MYO6: variants seen among roughly 807,000 people sequenced by gnomAD.
The protein encoded by MYO6 is unconventional myosin-VI.
Under a neutral mutation model 178.7 loss-of-function variants are expected in MYO6, and 74 were observed. The observed-to-expected ratio is 0.41, with a 90% CI of 0.34 to 0.50. The LOEUF (loss-of-function observed/expected upper bound fraction) is 0.50. Among genes scored for constraint, MYO6 ranks in the 20% least tolerant of loss-of-function variants. MYO6 has a pLI of 0.09. For missense variants in MYO6, 1,330 were observed against 1,547.4 expected (o/e 0.86, Z 2.36); for synonymous variants, 477 against 504.6 (o/e 0.95, Z 0.73).
intron 9 of MYO6, among the ~76,000 whole-genome samples, chr6:75,844,049 T>A (rs934732446): frequency 3.3e-5 from 5 of 152,168 alleles, no homozygotes; most frequent in Admixed American, 3.3e-4. Flanking sequence ...CTGATCAGAT[T>A]TGCCCAATTC....
chr6:75,837,372 T>TGG (rs1773748632), intron 7 of MYO6, among the ~76,000 whole-genome samples: 2 of 152,140 alleles, frequency 1.3e-5, no homozygotes, highest in Non-Finnish European at 2.9e-5. Context: ...CCGTAGTAAA[T>TGG]GCATATTTTA....
In MYO6 at chr6:75,817,267, C is replaced by T. The variant is rs191560501; in HGVS notation, c.-47-234C>T. Among the ~76,000 whole-genome samples the T allele has an allele frequency of 6.1e-4, 90 of 148,138 alleles. 2 individuals are homozygous for T. Among genetic ancestry groups the T allele is most frequent in the Admixed American group, 1.6e-3 (24 of 14,834 alleles). ...TTGCAGTGAGCCAGGATTGTGCCAC[C>T]GCACTCCAGCCTGGGTGAGAGAGTG... On this transcript the variant is annotated intron_variant, in intron 1 of 34. Transcript: ENST00000369977.
chr6:75,832,952 G>A lies in MYO6; in HGVS notation c.497+5G>A, dbSNP rs539587826. On this transcript the variant is annotated splice_donor_5th_base_variant and intron_variant, in intron 6 of 34. Transcript: ENST00000369977. Reference sequence around the variant, plus strand: ...AAATACAAAATTTGTTCTAAGGTGAGTATTCAGCTAACTTGAAGTATTTGA... The same window carrying A: ...AAATACAAAATTTGTTCTAAGGTGAATATTCAGCTAACTTGAAGTATTTGA... 19 of 1,584,768 alleles carry A rather than the reference G, an allele frequency of 1.2e-5. No individual in the cohort carries two copies. Among genetic ancestry groups the A allele is most frequent in the East Asian group, 2.2e-5 (1 of 44,738 alleles).
chr6:75,784,747 A>C (rs951177379), intron 1 of MYO6, among the ~76,000 whole-genome samples: 3 of 137,122 alleles, frequency 2.2e-5, no homozygotes, highest in African/African-American at 8.8e-5. Flanking sequence ...ACTGCACTCC[A>C]GCCTGGGCAA....
chr6:75,814,881 G>A (rs917329181), intron 1 of MYO6, among the ~76,000 whole-genome samples: 2 of 148,746 alleles, frequency 1.3e-5, no homozygotes, highest in Middle Eastern at 3.4e-3. Flanking sequence ...AAAAAAAAAA[G>A]ATATTTCAAT....
chr6:75,830,264 G>A (rs1772946948), intron 4 of MYO6, 152 bp from the exon 5 acceptor site: 3 of 656,700 alleles, frequency 4.6e-6, no homozygotes, highest in Non-Finnish European at 7.8e-6. Flanking sequence ...ATAAAGATCA[G>A]GGAATACTCA....
chr6:75,870,910 T>C (rs1777091793), intron 19 of MYO6, among the ~76,000 whole-genome samples: 1 of 152,166 alleles, frequency 6.6e-6, no homozygotes, highest in South Asian at 2.1e-4. Context: ...AAATTAAGAT[T>C]ATCTTACAGT....
At chr6:75,864,480 C>G (rs1177015916) in intron 16 of MYO6, among the ~76,000 whole-genome samples, 1 of 152,178 alleles carries the variant, frequency 6.6e-6, no homozygotes, top group Non-Finnish European at 1.5e-5. Context: ...GTATCCTCAA[C>G]AAAACTTCTG....
intron 1 of MYO6, among the ~76,000 whole-genome samples, chr6:75,781,325 G>T (rs1271955551): frequency 5.3e-5 from 8 of 152,152 alleles, no homozygotes; most frequent in Admixed American, 5.2e-4. Context: ...TTGAAGCAGA[G>T]AGTAGAAATG....
At chr6:75,886,581 C>T (rs1778450897) in intron 24 of MYO6, among the ~76,000 whole-genome samples, 1 of 152,186 alleles carries the variant, frequency 6.6e-6, no homozygotes, top group Admixed American at 6.5e-5. Flanking sequence ...TGATCCATCA[C>T]ACCTTTTCAA....
At chr6:75,880,266 C>G in intron 22 of MYO6, 146 bp downstream of exon 22, 1 of 689,324 alleles carries the variant, frequency 1.5e-6, no homozygotes, top group African/African-American at 1.8e-5. Flanking sequence ...CATACCATTT[C>G]TCAGAAAAGA....
In MYO6 at chr6:75,914,982, A is replaced by G; in HGVS notation, c.3828A>G (p.Ala1276=). 1 of 1,613,542 alleles carries G rather than the reference A, an allele frequency of 6.2e-7. No individual in the cohort carries two copies. Among genetic ancestry groups the G allele is most frequent in the Non-Finnish European group, 8.5e-7 (1 of 1,179,940 alleles). ...IESRQARPTY[A]TAMLQSLLK Reference sequence around the variant, plus strand: ...GCAGACAGGCTCGGCCCACCTATGCAACAGCCATGCTGCAGAGTCTGTTAA... The same window carrying G: ...GCAGACAGGCTCGGCCCACCTATGCGACAGCCATGCTGCAGAGTCTGTTAA... The change falls in exon 35 of 35, where the codon GCA becomes GCG. Residue 1276 remains alanine, a synonymous_variant. Transcript: ENST00000369977.
intron 1 of MYO6, among the ~76,000 whole-genome samples, chr6:75,766,210 C>G (rs1371103178): frequency 6.6e-6 from 1 of 152,082 alleles, no homozygotes; most frequent in Non-Finnish European, 1.5e-5. Flanking sequence ...GTAATCCCAG[C>G]TACGTGGGAG....
At chr6:75,864,334 G>A (rs1776465911) in intron 16 of MYO6, among the ~76,000 whole-genome samples, 1 of 152,158 alleles carries the variant, frequency 6.6e-6, no homozygotes, top group Admixed American at 6.5e-5. Context: ...TCATGTAATT[G>A]TGTTAACCTT....
chr6:75,822,729 G>T, intron 2 of MYO6, 53 bp from the exon 3 acceptor site: 2 of 1,432,962 alleles, frequency 1.4e-6, no homozygotes, highest in South Asian at 1.1e-5. Flanking sequence ...CCCTTCTATT[G>T]TTCTTACTAT....
chr6:75,763,029 T>C (rs1386751512), intron 1 of MYO6, among the ~76,000 whole-genome samples: 1 of 150,254 alleles, frequency 6.7e-6, no homozygotes, highest in African/African-American at 2.4e-5. Flanking sequence ...ACCTGTAATT[T>C]TTTTTTTTTT....
chr6:75,892,037 A>G (rs1778940772), intron 27 of MYO6, among the ~76,000 whole-genome samples: 1 of 152,228 alleles, frequency 6.6e-6, no homozygotes, highest in South Asian at 2.1e-4. Context: ...AAAATATCAT[A>G]TAACTTTGTA....
intron 1 of MYO6, among the ~76,000 whole-genome samples, chr6:75,810,000 C>T (rs181158229): frequency 4.8e-4 from 72 of 148,730 alleles, no homozygotes; most frequent in African/African-American, 1.7e-3. Context: ...AGGAGAATTG[C>T]TTGAACCCTG....
intron 15 of MYO6, among the ~76,000 whole-genome samples, chr6:75,861,344 G>A (rs184943765): frequency 1.3e-5 from 2 of 152,236 alleles, no homozygotes; most frequent in Admixed American, 1.3e-4. Context: ...TAAATAGTTA[G>A]CATGTGAATT....
Sources: gnomAD v4.1 joint callset for allele counts (sites outside exome capture counted in the v4.1 genomes callset) on GRCh38, gnomAD v4.1.1 for gene constraint, MANE v1.5 for transcripts, NCBI Gene and HGNC (gene_info 2026-07-23, HGNC 2026-07-21) for gene names.